FRYL: variants seen among roughly 807,000 people sequenced by gnomAD.
The protein encoded by FRYL is FRY like transcription coactivator.
FRYL carries 150 observed loss-of-function variants against 351.2 expected under a neutral mutation model. That is an observed-to-expected ratio of 0.43 (90% CI 0.37 to 0.49). The LOEUF (loss-of-function observed/expected upper bound fraction) is 0.49, where lower values mean the gene tolerates loss of function less well. FRYL is among the 20% of genes least tolerant of loss of function. The pLI is 0.00. For missense variants in FRYL, 3,036 were observed against 3,619.3 expected, an observed-to-expected ratio of 0.84 and a Z score of 4.13; for synonymous variants, 1,153 against 1,257.1, an observed-to-expected ratio of 0.92 and a Z score of 1.75.
chr4:48,532,167 A>G lies in FRYL; in HGVS notation c.6706-814T>C, dbSNP rs544046719. 1.6e-4 allele frequency among the ~76,000 whole-genome samples: 25 copies of G among 152,334 alleles called. No individual in the cohort carries two copies. The Middle Eastern group carries it at 0.017, about 104-fold the overall frequency. ...ATCTCAACCTTGTATTATATTATACATATTCTTTCACAGCTGATATCTGAG... is the reference window on the plus strand; with the variant it reads ...ATCTCAACCTTGTATTATATTATACGTATTCTTTCACAGCTGATATCTGAG... On this transcript the variant is annotated intron_variant, in intron 49 of 63. Transcript: ENST00000358350.
At position 48,564,008 on chromosome 4, in the gene FRYL, G is replaced by A. The variant is rs182230854; in HGVS notation, c.3536C>T (p.Thr1179Met). 8.1e-6 allele frequency: 13 copies of A among 1,614,164 alleles called. No homozygotes were observed. Among genetic ancestry groups the A allele is most frequent in the East Asian group, 2.2e-5 (1 of 44,880 alleles). Residue 1179 changes from threonine (T) to methionine (M), a missense_variant, in exon 31 of 64, where the codon ACG (threonine) becomes ATG (methionine). Around this residue, in one of 7 missense-constraint regions of FRYL, gnomAD observed 1,987 missense variants for 2,311.7 expected, o/e 0.86. Transcript: ENST00000358350. ...LMYWAVDRCY[T>M]GSGRVAAGCF... The stretch of plus-strand genomic sequence containing the variant: ...GCCGGCCGCCACCCTCCCGGAGCCC[G>A]TGTAGCAGCGGTCCACAGCCCAGTA...
chr4:48,764,500 C>T (rs1445994748), intron 1 of FRYL, among the ~76,000 whole-genome samples: 1 of 148,714 alleles, frequency 6.7e-6, no homozygotes, highest in African/African-American at 2.5e-5. Flanking sequence ...CACTGTGCTC[C>T]AGCCTGAACA....
At chr4:48,689,099 A>G (rs1765449293) in intron 2 of FRYL, among the ~76,000 whole-genome samples, 1 of 152,218 alleles carries the variant, frequency 6.6e-6, no homozygotes. Context: ...TTTGGGCTTC[A>G]CTGCAAAAAT....
chr4:48,750,447 T>C (rs1773132843), intron 1 of FRYL, among the ~76,000 whole-genome samples: 1 of 151,330 alleles, frequency 6.6e-6, no homozygotes, highest in Non-Finnish European at 1.5e-5. Context: ...GGTGACAAAG[T>C]CAGATCCCAT....
chr4:48,761,970 G>A, intron 1 of FRYL, among the ~76,000 whole-genome samples: 1 of 152,160 alleles, frequency 6.6e-6, no homozygotes, highest in Admixed American at 6.5e-5. Context: ...CCTTTAGGAA[G>A]TAATCAGGTT....
chr4:48,712,554 A>T (rs933905840), intron 1 of FRYL, among the ~76,000 whole-genome samples: 9 of 152,236 alleles, frequency 5.9e-5, no homozygotes, highest in African/African-American at 2.2e-4. Context: ...GCCTCCAAGA[A>T]ATATGGTACT....
intron 13 of FRYL, chr4:48,598,822 A>T: frequency 1.0e-6 from 1 of 983,032 alleles, no homozygotes. Flanking sequence ...ATGTCGACAC[A>T]ACTCACCTGG....
chr4:48,627,895 CCAG>C (rs1411367578), intron 4 of FRYL, among the ~76,000 whole-genome samples: 2 of 152,258 alleles, frequency 1.3e-5, no homozygotes, highest in Admixed American at 6.5e-5. Flanking sequence ...CCTCACCTCC[CCAG>C]CAGCTGGGAT....
chr4:48,681,758 A>G (rs1167691694), intron 3 of FRYL, among the ~76,000 whole-genome samples: 1 of 152,218 alleles, frequency 6.6e-6, no homozygotes, highest in African/African-American at 2.4e-5. Flanking sequence ...AATAACCAAA[A>G]AAATTGATAA....
At chr4:48,631,969 C>T (rs997127964) in intron 4 of FRYL, among the ~76,000 whole-genome samples, 2 of 138,150 alleles carry the variant, frequency 1.4e-5, no homozygotes, top group African/African-American at 5.5e-5. Context: ...GGGAGGATTG[C>T]CTGAACCTGG....
chr4:48,535,452 TA>T (rs1254299435), intron 48 of FRYL, among the ~76,000 whole-genome samples: 1 of 152,080 alleles, frequency 6.6e-6, no homozygotes, highest in Admixed American at 6.6e-5. Context: ...ATTTTTATCT[TA>T]AAAAATTGTT....
intron 3 of FRYL, among the ~76,000 whole-genome samples, chr4:48,658,163 G>A (rs200181375): frequency 8.8e-6 from 1 of 113,246 alleles, no homozygotes; most frequent in Non-Finnish European, 1.9e-5. Context: ...CTAGAAATAT[G>A]CAATTGATGA....
At chr4:48,750,089 A>C (rs1773085453) in intron 1 of FRYL, among the ~76,000 whole-genome samples, 1 of 151,154 alleles carries the variant, frequency 6.6e-6, no homozygotes, top group African/African-American at 2.4e-5. Context: ...AGCTGTGATC[A>C]TACCACTGCA....
At chr4:48,661,362 G>C (rs187497683) in intron 3 of FRYL, among the ~76,000 whole-genome samples, 85 of 152,202 alleles carry the variant, frequency 5.6e-4, no homozygotes, top group Non-Finnish European at 8.8e-4. Context: ...AGAGATGAGA[G>C]ACAAATAAGA....
intron 2 of FRYL, among the ~76,000 whole-genome samples, chr4:48,690,705 T>A (rs1765603530): frequency 6.6e-6 from 1 of 152,210 alleles, no homozygotes; most frequent in African/African-American, 2.4e-5. Context: ...TCTAGGGTCA[T>A]CTGTAATCAA....
chr4:48,572,613 T>C (rs554442956), intron 26 of FRYL, among the ~76,000 whole-genome samples: 40 of 152,370 alleles, frequency 2.6e-4, no homozygotes, highest in Admixed American at 5.2e-4. Flanking sequence ...CTGTAGTTCT[T>C]AGAATCTCTT....
At chr4:48,773,036 C>T (rs1157423274) in intron 1 of FRYL, among the ~76,000 whole-genome samples, 1 of 152,120 alleles carries the variant, frequency 6.6e-6, no homozygotes, top group Non-Finnish European at 1.5e-5. Flanking sequence ...CAAAAATAGT[C>T]ACTCAAAATA....
In FRYL at chr4:48,595,702, CA is replaced by C; in HGVS notation, c.1140-5del. Reference sequence around the variant, plus strand: ...TGACACTATGCTCATAAGACGACTACAGGGAAAAAGATCTAGTCATAGTGAG... The same window carrying C: ...TGACACTATGCTCATAAGACGACTACGGGAAAAAGATCTAGTCATAGTGAG... On this transcript the variant is annotated splice_polypyrimidine_tract_variant and splice_region_variant and intron_variant, in intron 14 of 63. Coordinates refer to ENST00000358350, the MANE Select transcript of FRYL (RefSeq NM_015030.2). 1 of 1,592,588 alleles carries C rather than the reference CA, an allele frequency of 6.3e-7. No homozygotes were observed. Among genetic ancestry groups the C allele is most frequent in the Non-Finnish European group, 8.6e-7 (1 of 1,164,766 alleles).
intron 14 of FRYL, 55 bp from the exon 15 acceptor site, chr4:48,595,753 CA>C: frequency 2.4e-6 from 3 of 1,245,120 alleles, no homozygotes; most frequent in Non-Finnish European, 3.4e-6. Flanking sequence ...AGCATATTAG[CA>C]AAAAATTCTT....
Sources: gnomAD v4.1 joint callset for allele counts (sites outside exome capture counted in the v4.1 genomes callset) on GRCh38, gnomAD v4.1.1 for gene constraint, gnomAD v4.1.1 regional missense constraint, MANE v1.5 for transcripts, NCBI Gene and HGNC (gene_info 2026-07-23, HGNC 2026-07-21) for gene names.